ZNF385D: variants seen among roughly 807,000 people sequenced by gnomAD.
The protein encoded by ZNF385D is zinc finger protein 385D, also known as zinc finger protein 659.
Under a neutral mutation model 35.8 loss-of-function variants are expected in ZNF385D, and 15 were observed. The ratio of observed to expected loss-of-function variants is 0.42; its 90% CI spans 0.28 to 0.64. The LOEUF is 0.64. Among genes scored for constraint, ZNF385D ranks in the 30% least tolerant of loss-of-function variants. ZNF385D has a pLI of 0.23. For missense variants in ZNF385D, 474 were observed against 494.6 expected (o/e 0.96, Z 0.39); for synonymous variants, 212 against 186.8 (o/e 1.13, Z -1.10).
At chr3:21,637,299 G>C (rs2065477811) in intron 2 of ZNF385D, among the ~76,000 whole-genome samples, 1 of 152,024 alleles carries the variant, frequency 6.6e-6, no homozygotes, top group Admixed American at 6.6e-5. Context: ...ATGAGGATCA[G>C]GTTTCATTCT....
chr3:21,954,652 A>G (rs1702208313), intron 3 of ZNF385D, among the ~76,000 whole-genome samples: 1 of 152,104 alleles, frequency 6.6e-6, no homozygotes, highest in African/African-American at 2.4e-5. Context: ...AACATGATTC[A>G]TTAATATATA....
intron 2 of ZNF385D, among the ~76,000 whole-genome samples, chr3:22,271,175 A>G (rs374179743): frequency 5.3e-5 from 8 of 151,912 alleles, no homozygotes; most frequent in African/African-American, 1.9e-4. Flanking sequence ...AGAAAATTAT[A>G]TCATAATACA....
intron 3 of ZNF385D, among the ~76,000 whole-genome samples, chr3:21,927,063 G>A (rs1378349335): frequency 1.3e-5 from 2 of 151,972 alleles, no homozygotes; most frequent in South Asian, 2.1e-4. Context: ...CAGTAATGAG[G>A]GAGTTCTCCC....
chr3:22,031,929 T>C (rs945137858), intron 3 of ZNF385D, among the ~76,000 whole-genome samples: 1 of 152,234 alleles, frequency 6.6e-6, no homozygotes, highest in Non-Finnish European at 1.5e-5. Context: ...GCTTTGCTGC[T>C]TAGAAATTTC....
At chr3:22,182,595 G>C (rs1432379395) in intron 2 of ZNF385D, among the ~76,000 whole-genome samples, 1 of 151,214 alleles carries the variant, frequency 6.6e-6, no homozygotes. Flanking sequence ...TATCACTATC[G>C]AATTTGACTT....
At chr3:21,921,969 G>C (rs1048264866) in intron 3 of ZNF385D, among the ~76,000 whole-genome samples, 1 of 152,032 alleles carries the variant, frequency 6.6e-6, no homozygotes, top group Non-Finnish European at 1.5e-5. Flanking sequence ...AAATTGAGGA[G>C]GAAGCACTTC....
At chr3:21,870,725 G>T (rs183407802) in intron 3 of ZNF385D, among the ~76,000 whole-genome samples, 2 of 152,182 alleles carry the variant, frequency 1.3e-5, no homozygotes, top group East Asian at 3.9e-4. Context: ...GTGCGTGTGT[G>T]CGTGTATATG....
chr3:21,444,678 C>T (rs566933043), intron 4 of ZNF385D, among the ~76,000 whole-genome samples: 11 of 152,264 alleles, frequency 7.2e-5, no homozygotes, highest in African/African-American at 1.4e-4. Context: ...TGAGCCACTG[C>T]GCCCAGCTGA....
At chr3:22,129,358 A>G (rs894877851) in intron 3 of ZNF385D, among the ~76,000 whole-genome samples, 1 of 152,130 alleles carries the variant, frequency 6.6e-6, no homozygotes, top group Admixed American at 6.6e-5. Flanking sequence ...TTCAAGGCCC[A>G]AGGCCTCTGT....
At chr3:22,290,557 G>A (rs1469305807) in intron 2 of ZNF385D, among the ~76,000 whole-genome samples, 2 of 152,152 alleles carry the variant, frequency 1.3e-5, no homozygotes, top group Non-Finnish European at 2.9e-5. Context: ...GCCCAGGGCA[G>A]TGGCATTGTG....
intron 2 of ZNF385D, among the ~76,000 whole-genome samples, chr3:22,209,508 T>C (rs1697377077): frequency 1.3e-5 from 2 of 151,904 alleles, no homozygotes; most frequent in African/African-American, 4.8e-5. Context: ...TGTATTTATA[T>C]ACTAAATATG....
intron 2 of ZNF385D, among the ~76,000 whole-genome samples, chr3:21,658,591 A>G (rs1181215040): frequency 1.5e-5 from 2 of 134,814 alleles, no homozygotes; most frequent in African/African-American, 2.5e-5. Context: ...ATCTACCTAT[A>G]TATCTATCTA....
chr3:21,671,456 G>A (rs73819944), intron 1 of ZNF385D, among the ~76,000 whole-genome samples: 2,100 of 152,100 alleles, frequency 0.014, 49 homozygotes, highest in African/African-American at 0.048. Context: ...TTCATTAATT[G>A]GCATGGATTA....
chr3:22,308,650 A>T (rs190601694), intron 2 of ZNF385D, among the ~76,000 whole-genome samples: 19 of 152,170 alleles, frequency 1.2e-4, no homozygotes, highest in African/African-American at 4.6e-4. Flanking sequence ...AGTTACTGAG[A>T]TTAGAGTTTA....
chr3:21,428,246 AAT>A (rs1171463118), intron 5 of ZNF385D, among the ~76,000 whole-genome samples: 2 of 152,094 alleles, frequency 1.3e-5, no homozygotes, highest in Non-Finnish European at 2.9e-5. Context: ...TTAAATCTGT[AAT>A]ATGTTTCAGA....
chr3:21,726,522 T>C (rs1207033700), intron 1 of ZNF385D, among the ~76,000 whole-genome samples: 4 of 152,180 alleles, frequency 2.6e-5, no homozygotes, highest in African/African-American at 9.7e-5. Context: ...CAAGCGTTCC[T>C]GTACACCAAT....
chr3:21,443,335 G>C (rs1701962766), intron 4 of ZNF385D: 2 of 985,236 alleles, frequency 2.0e-6, no homozygotes, highest in Non-Finnish European at 2.4e-6. Context: ...AACAAAGTGT[G>C]GAGTTGCTAG....
At chr3:21,823,205 G>A (rs1694387177) in intron 3 of ZNF385D, among the ~76,000 whole-genome samples, 1 of 152,156 alleles carries the variant, frequency 6.6e-6, no homozygotes, top group African/African-American at 2.4e-5. Flanking sequence ...TAATTAGAGA[G>A]TAGGTAGTCC....
intron 3 of ZNF385D, among the ~76,000 whole-genome samples, chr3:22,123,958 C>CTATATATATA (rs1369577983): frequency 2.5e-5 from 2 of 79,782 alleles, no homozygotes; most frequent in African/African-American, 8.2e-5. Context: ...CTCTCTCTCT[C>CTATATATATA]TCTCTATATA....
Sources: gnomAD v4.1 joint callset for allele counts (sites outside exome capture counted in the v4.1 genomes callset) on GRCh38, gnomAD v4.1.1 for gene constraint, MANE v1.5 for transcripts, NCBI Gene and HGNC (gene_info 2026-07-23, HGNC 2026-07-21) for gene names.